The following NUP58 variants were observed in gnomAD, a reference collection of about 807,000 sequenced individuals.
NUP58 encodes the protein nucleoporin p58/p45.
A neutral mutation model predicts 70.1 loss-of-function variants in NUP58; 17 were observed. The observed-to-expected ratio is 0.24, with a 90% CI of 0.17 to 0.36. The LOEUF (loss-of-function observed/expected upper bound fraction) is 0.36. Ranked by LOEUF, NUP58 falls within the 10% of genes least tolerant of loss-of-function variation. The pLI is 1.00. For synonymous variants in NUP58, 275 were observed against 257.6 expected (o/e 1.07, Z -0.65); for missense variants, 644 against 701.5 (o/e 0.92, Z 0.93).
intron 3 of NUP58, among the ~76,000 whole-genome samples, chr13:25,311,971 T>C (rs570357624): frequency 1.3e-5 from 2 of 152,182 alleles, no homozygotes; most frequent in East Asian, 1.9e-4. Flanking sequence ...TGGTGAGATA[T>C]GTAGGAGGCC....
intron 14 of NUP58, among the ~76,000 whole-genome samples, chr13:25,337,801 CTA>C (rs2031836651): frequency 6.6e-6 from 1 of 152,096 alleles, no homozygotes; most frequent in East Asian, 1.9e-4. Context: ...AGCATAATTC[CTA>C]TAATCTATAA....
At chr13:25,333,442 T>G (rs1406263272) in intron 13 of NUP58, 1 of 985,312 alleles carries the variant, frequency 1.0e-6, no homozygotes, top group African/African-American at 1.7e-5. Context: ...CCTGAAACTT[T>G]GAAGTCCACA....
chr13:25,304,478 T>A (rs1360028435), intron 1 of NUP58, among the ~76,000 whole-genome samples: 1 of 83,410 alleles, frequency 1.2e-5, no homozygotes, highest in Non-Finnish European at 2.1e-5. Flanking sequence ...GTTGTCAAGA[T>A]TATATATATA....
At chr13:25,339,382 G>A (rs1250830667) in intron 15 of NUP58, among the ~76,000 whole-genome samples, 1 of 152,182 alleles carries the variant, frequency 6.6e-6, no homozygotes, top group Non-Finnish European at 1.5e-5. Flanking sequence ...AAAATCAGCA[G>A]TTCCAGTGGA....
intron 2 of NUP58, 199 bp downstream of exon 2, chr13:25,308,147 A>G (rs1210616159): frequency 6.4e-6 from 3 of 465,178 alleles, no homozygotes; most frequent in Non-Finnish European, 1.1e-5. Flanking sequence ...CTACTCTGAT[A>G]TAACGAAGGA....
downstream of NUP58, among the ~76,000 whole-genome samples, chr13:25,346,360 G>A (rs1160558703): frequency 6.6e-6 from 1 of 152,260 alleles, no homozygotes; most frequent in East Asian, 1.9e-4. Flanking sequence ...GGCAGTCTAT[G>A]TAGAGTCTAT....
intron 5 of NUP58, among the ~76,000 whole-genome samples, chr13:25,314,314 A>C (rs139183736): frequency 5.4e-4 from 82 of 152,370 alleles, no homozygotes; most frequent in South Asian, 2.9e-3. Flanking sequence ...AGCCTGTTTA[A>C]GGAGTCAGTA....
intron 7 of NUP58, 130 bp downstream of exon 7, chr13:25,319,480 C>A: frequency 7.1e-6 from 5 of 708,344 alleles, no homozygotes; most frequent in Non-Finnish European, 9.7e-6. Flanking sequence ...TAATGGTATT[C>A]GTTAAAAGTA....
At chr13:25,333,126 G>A (rs898544533) in intron 13 of NUP58, 1 of 942,286 alleles carries the variant, frequency 1.1e-6, no homozygotes, top group Non-Finnish European at 1.3e-6. Context: ...TCAAGGGTTT[G>A]TGTGTGTGTG....
intron 5 of NUP58, 145 bp downstream of exon 5, chr13:25,313,896 A>T (rs2030801367): frequency 3.4e-6 from 2 of 581,044 alleles, no homozygotes; most frequent in Non-Finnish European, 5.6e-6. Flanking sequence ...GATGGTTTTC[A>T]TACATAATTG....
At chr13:25,338,104 A>G (rs1416850094) in intron 14 of NUP58, among the ~76,000 whole-genome samples, 1 of 152,154 alleles carries the variant, frequency 6.6e-6, no homozygotes, top group African/African-American at 2.4e-5. Flanking sequence ...GCAGGAATCT[A>G]CTGTTACTGA....
At chr13:25,336,425 T>A in intron 13 of NUP58, 1 of 524,088 alleles carries the variant, frequency 1.9e-6, no homozygotes, top group Non-Finnish European at 3.0e-6. Flanking sequence ...TTTGGGTACT[T>A]ACTCTTATGA....
intron 1 of NUP58, among the ~76,000 whole-genome samples, chr13:25,306,783 T>C (rs1049089266): frequency 6.6e-6 from 1 of 152,210 alleles, no homozygotes; most frequent in Non-Finnish European, 1.5e-5. Flanking sequence ...CCCTGAGTCT[T>C]GATAAGAGTA....
chr13:25,304,669 C>T lies in NUP58; in HGVS notation c.107+2789C>T, dbSNP rs1462488209. Among the ~76,000 whole-genome samples the T allele has an allele frequency of 3.3e-5, 5 of 151,268 alleles. No individual in the cohort carries two copies. In the East Asian group the frequency reaches 7.8e-4, roughly 24 times the overall value. On this transcript the variant is annotated intron_variant, in intron 1 of 15. Transcript: ENST00000381736. ...ATAGCTGGGATTACAGGCACGCCAC[C>T]ACACCCGGCTAAATTTTTTATTTTT...
chr13:25,323,869 G>A (rs2031287333), intron 9 of NUP58, among the ~76,000 whole-genome samples: 1 of 152,190 alleles, frequency 6.6e-6, no homozygotes, highest in African/African-American at 2.4e-5. Context: ...TAGGGATCAA[G>A]ACTTAGACTA....
At chr13:25,320,453 C>CT (rs932872039) in intron 7 of NUP58, 77 bp from the exon 8 acceptor site, 40 of 974,448 alleles carry the variant, frequency 4.1e-5, no homozygotes, top group Non-Finnish European at 6.5e-5. Context: ...TCTTAATACT[C>CT]TAATACTCTA....
intron 4 of NUP58, among the ~76,000 whole-genome samples, chr13:25,313,267 G>A (rs1473127655): frequency 6.6e-6 from 1 of 152,170 alleles, no homozygotes; most frequent in Non-Finnish European, 1.5e-5. Flanking sequence ...TTTGAAGGAG[G>A]CATTTAGTGA....
chr13:25,338,593 G>A (rs373382706), intron 14 of NUP58, 43 bp from the exon 15 acceptor site: 29 of 1,423,956 alleles, frequency 2.0e-5, no homozygotes, highest in Non-Finnish European at 2.8e-5. Context: ...TTTAACCTGT[G>A]TTTTATGTGC....
At chr13:25,342,785 T>C (rs2031991381), downstream of NUP58, among the ~76,000 whole-genome samples, 1 of 152,102 alleles carries the variant, frequency 6.6e-6, no homozygotes, top group Non-Finnish European at 1.5e-5. Context: ...TCTTTTTCTT[T>C]TATATTCTCT....
Sources: gnomAD v4.1 joint callset for allele counts (sites outside exome capture counted in the v4.1 genomes callset) on GRCh38, gnomAD v4.1.1 for gene constraint, MANE v1.5 for transcripts, NCBI Gene and HGNC (gene_info 2026-07-23, HGNC 2026-07-21) for gene names.